Variants in CEP350 observed in about 807,000 individuals in gnomAD.
The protein encoded by CEP350 is centrosome-associated protein 350.
A neutral mutation model predicts 331.8 loss-of-function variants in CEP350; 126 were observed. The ratio of observed to expected loss-of-function variants is 0.38; its 90% CI spans 0.33 to 0.44. The LOEUF (loss-of-function observed/expected upper bound fraction) is 0.44, where lower values mean the gene tolerates loss of function less well. Ranked by LOEUF, CEP350 falls within the 20% of genes least tolerant of loss-of-function variation. The probability of loss-of-function intolerance (pLI) is 1.00; values close to 1 mark genes in which losing one functional copy is unlikely to be tolerated. For synonymous variants in CEP350, 1,200 were observed against 1,259.5 expected (o/e 0.95, Z 1.00); for missense variants, 3,406 against 3,634.6 (o/e 0.94, Z 1.62).
chr1:179,982,786 G>A (rs1652374924), intron 1 of CEP350, among the ~76,000 whole-genome samples: 1 of 152,026 alleles, frequency 6.6e-6, no homozygotes, highest in African/African-American at 2.4e-5. Context: ...TCATCAAAAG[G>A]AAAATGAGTT....
In CEP350 at chr1:180,094,721, G is replaced by T. The variant is rs1660381072; in HGVS notation, c.8511+105G>T. ...ATTTTAATTCTGTGACTCCTGATAG[G>T]TTTTTTTTCCCTTGACGTGTTGTTT... On this transcript the variant is annotated intron_variant, in intron 34 of 37. Coordinates refer to ENST00000367607, the MANE Select transcript of CEP350 (RefSeq NM_014810.5). 3 of 1,242,772 alleles carry T rather than the reference G, an allele frequency of 2.4e-6. No homozygotes were observed. In the Admixed American group the frequency reaches 8.5e-5, roughly 35 times the overall value. The allele number at this position is 1,242,772 out of a possible 1,614,324, so 77.0% of individuals were successfully genotyped here.
chr1:180,024,744 A>G (rs1459436848), intron 14 of CEP350, among the ~76,000 whole-genome samples, 162 bp downstream of exon 14: 2 of 152,292 alleles, frequency 1.3e-5, no homozygotes, highest in East Asian at 3.9e-4. Context: ...TTGATATATA[A>G]CATCATGAAT....
rs145986955 is a variant in CEP350 at position 180,045,235 on chromosome 1, A to G, written c.4622+1062A>G. Among the ~76,000 whole-genome samples the G allele has an allele frequency of 6.0e-3, 910 of 152,156 alleles. 12 individuals carry two copies. The highest frequency in any genetic ancestry group is 0.021 in the African/African-American group (869 of 41,514). ...CGTGTGCCCATAATCCCAGCTACTC[A>G]GGAGGCTGAGGCATGAGAATCTCTT... On this transcript the variant is annotated intron_variant, in intron 21 of 37. Coordinates refer to ENST00000367607, the MANE Select transcript of CEP350 (RefSeq NM_014810.5).
At position 179,992,102 on chromosome 1, in the gene CEP350, C is replaced by A; in HGVS notation, c.276C>A (p.Ile92=). 6.4e-7 allele frequency: 1 copy of A among 1,555,894 alleles called. No homozygotes were observed. Among genetic ancestry groups the A allele is most frequent in the Admixed American group, 2.0e-5 (1 of 49,854 alleles). ...ATGATTCTTGGGTTAATGCTCCAAT[C>A]TCCAAATCCACTAAATCACGAAAAG... ...YLDDSWVNAP[I]SKSTKSRKEK... Residue 92 remains isoleucine, a synonymous_variant, in exon 5 of 38, where the codon ATC becomes ATA. Transcript: ENST00000367607.
chr1:179,962,659 C>T lies in CEP350; in HGVS notation c.-14+7517C>T, dbSNP rs536529733. Among the ~76,000 whole-genome samples, 26 of 152,204 alleles carry T rather than the reference C, an allele frequency of 1.7e-4. No homozygotes were observed. The East Asian group carries it at 3.7e-3, about 22-fold the overall frequency. ...TCCTGACCTCATGATCTGCCCACCT[C>T]GGCCTCCCAAAGTGCTGGGATTACA... On this transcript the variant is annotated intron_variant, in intron 1 of 37. Coordinates refer to ENST00000367607, the MANE Select transcript of CEP350 (RefSeq NM_014810.5).
At chr1:180,015,150 G>A (rs1199746858) in intron 10 of CEP350, among the ~76,000 whole-genome samples, 2 of 152,032 alleles carry the variant, frequency 1.3e-5, no homozygotes, top group East Asian at 1.9e-4. Flanking sequence ...GGGTGGCAGA[G>A]GCAAAAAGGT....
At chr1:180,046,370 A>G (rs1333767323) in intron 21 of CEP350, among the ~76,000 whole-genome samples, 3 of 152,190 alleles carry the variant, frequency 2.0e-5, no homozygotes, top group Admixed American at 6.6e-5. Flanking sequence ...TCTTTCACTT[A>G]GCATGATGTT....
At chr1:180,107,250 C>T (rs567823469) in intron 37 of CEP350, among the ~76,000 whole-genome samples, 1 of 152,192 alleles carries the variant, frequency 6.6e-6, no homozygotes, top group Non-Finnish European at 1.5e-5. Flanking sequence ...AACAGATACA[C>T]AGTATATAAT....
At chr1:179,988,142 CAAA>C (rs1652775406) in intron 3 of CEP350, among the ~76,000 whole-genome samples, 1 of 151,660 alleles carries the variant, frequency 6.6e-6, no homozygotes, top group Non-Finnish European at 1.5e-5. Flanking sequence ...TACAAAAGTA[CAAA>C]AATTAGCTGG....
At chr1:179,970,835 A>C (rs1231472740) in intron 1 of CEP350, among the ~76,000 whole-genome samples, 1 of 152,224 alleles carries the variant, frequency 6.6e-6, no homozygotes, top group African/African-American at 2.4e-5. Flanking sequence ...ACAGGTATAG[A>C]TCATTGTTTC....
chr1:180,005,410 C>T (rs954933439), intron 7 of CEP350, among the ~76,000 whole-genome samples: 11 of 151,728 alleles, frequency 7.2e-5, no homozygotes, highest in African/African-American at 2.2e-4. Flanking sequence ...ATCACACCCC[C>T]GCCTCATATT....
At chr1:180,097,625 T>C (rs896834903) in intron 36 of CEP350, among the ~76,000 whole-genome samples, 10 of 152,166 alleles carry the variant, frequency 6.6e-5, no homozygotes, top group African/African-American at 2.4e-4. Context: ...AGACAAGATA[T>C]ATAATATATA....
At chr1:180,094,949 T>C (rs767503931) in intron 34 of CEP350, among the ~76,000 whole-genome samples, 1 of 152,226 alleles carries the variant, frequency 6.6e-6, no homozygotes, top group Non-Finnish European at 1.5e-5. Context: ...CCTTCCAGAT[T>C]CACTGAACAA....
intron 20 of CEP350, among the ~76,000 whole-genome samples, chr1:180,043,427 G>T (rs1656901067): frequency 6.6e-6 from 1 of 152,148 alleles, no homozygotes; most frequent in South Asian, 2.1e-4. Context: ...CAGAGATAAT[G>T]TAACACAGGA....
chr1:180,024,789 GATAAAAA>G (rs1272175121), intron 14 of CEP350, among the ~76,000 whole-genome samples: 5 of 152,000 alleles, frequency 3.3e-5, no homozygotes, highest in Admixed American at 2.6e-4. Flanking sequence ...CATTTGCAAT[GATAAAAA>G]ATTAAAAATT....
At chr1:180,074,011 C>A in intron 27 of CEP350, 1 of 1,010,940 alleles carries the variant, frequency 9.9e-7, no homozygotes, top group African/African-American at 1.7e-5. Flanking sequence ...TTTTAATAGC[C>A]TGGAGGCCTC....
intron 31 of CEP350, chr1:180,087,133 A>G (rs1221587796): frequency 6.6e-6 from 1 of 152,302 alleles, no homozygotes; most frequent in Non-Finnish European, 1.5e-5. Context: ...TGTCAACTAT[A>G]TCTTTCTCTT....
At chr1:179,991,335 G>A (rs896364107) in intron 4 of CEP350, among the ~76,000 whole-genome samples, 1 of 26,620 alleles carries the variant, frequency 3.8e-5, no homozygotes, top group Non-Finnish European at 7.7e-5. Flanking sequence ...TTTTTTTTTT[G>A]AGACAGAGTC....
At chr1:180,024,718 A>G in intron 14 of CEP350, 136 bp downstream of exon 14, 1 of 976,534 alleles carries the variant, frequency 1.0e-6, no homozygotes, top group Non-Finnish European at 1.4e-6. Flanking sequence ...TTTATTTATC[A>G]TTATAATAAT....
Sources: gnomAD v4.1 joint callset for allele counts (sites outside exome capture counted in the v4.1 genomes callset) on GRCh38, gnomAD v4.1.1 for gene constraint, MANE v1.5 for transcripts, NCBI Gene and HGNC (gene_info 2026-07-23, HGNC 2026-07-21) for gene names.